The following TACC2 variants were observed in gnomAD, a reference collection of about 807,000 sequenced individuals.
TACC2 encodes the protein transforming acidic coiled-coil-containing protein 2.
A neutral mutation model predicts 227.3 loss-of-function variants in TACC2; 137 were observed. The observed-to-expected ratio is 0.60, with a 90% CI of 0.52 to 0.69. The LOEUF is 0.69. Among genes scored for constraint, TACC2 ranks in the 30% least tolerant of loss-of-function variants. The pLI is 0.00. For missense variants in TACC2, 3,470 were observed against 3,694.4 expected, an observed-to-expected ratio of 0.94 and a Z score of 1.57; for synonymous variants, 1,523 against 1,487.5, an observed-to-expected ratio of 1.02 and a Z score of -0.55.
chr10:122,076,504 G>A (rs532161817), intron 3 of TACC2, among the ~76,000 whole-genome samples: 13 of 152,322 alleles, frequency 8.5e-5, no homozygotes, highest in Non-Finnish European at 1.9e-4. Context: ...AATGCAACGA[G>A]TAGCAGTGAT....
At chr10:122,142,695 G>T (rs764988383) in intron 6 of TACC2, among the ~76,000 whole-genome samples, 7 of 152,328 alleles carry the variant, frequency 4.6e-5, no homozygotes, top group Non-Finnish European at 8.8e-5. Context: ...ACCACCTCAG[G>T]CTGGGTTTCA....
At chr10:122,155,911 C>T (rs1221619441) in intron 7 of TACC2, among the ~76,000 whole-genome samples, 2 of 142,952 alleles carry the variant, frequency 1.4e-5, no homozygotes, top group African/African-American at 5.2e-5. Context: ...AATCTTGGCT[C>T]ACTGCAATCT....
At chr10:122,156,914 C>A (rs999070588) in intron 7 of TACC2, among the ~76,000 whole-genome samples, 1 of 151,940 alleles carries the variant, frequency 6.6e-6, no homozygotes, top group East Asian at 1.9e-4. Flanking sequence ...AGTTCGAGAC[C>A]AGCTTAGGCA....
chr10:122,082,773 A>G lies in TACC2; in HGVS notation c.273A>G (p.Glu91=), dbSNP rs773759070. Residue 91 remains glutamate, a synonymous_variant, in exon 4 of 23, where the codon GAA becomes GAG. Transcript: ENST00000369005. ...ACCCACAGGGAGCCAGGGGGCCAGA[A>G]GGTTCTTTGCTGCCCAGCCCACCAC... ...RKDPQGARGP[E]GSLLPSPPPS... The G allele has an allele frequency of 4.8e-5, 77 of 1,613,826 alleles. 1 individual carries two copies. Among genetic ancestry groups the G allele is most frequent in the South Asian group, 3.6e-4 (33 of 91,072 alleles).
In TACC2 at chr10:122,083,667, C is replaced by T. The variant is rs2079787896; in HGVS notation, c.1167C>T (p.Val389=). ...GMRGTKPNQV[V]CVAAGGQPEG... ...GAGGAACCAAGCCCAATCAAGTTGT[C>T]TGTGTGGCAGCAGGCGGCCAGCCCG... The change falls in exon 4 of 23, where the codon GTC becomes GTT. Residue 389 remains valine, a synonymous_variant. Coordinates refer to ENST00000369005, the MANE Select transcript of TACC2 (RefSeq NM_206862.4). 3 of 1,611,724 alleles carry T rather than the reference C, an allele frequency of 1.9e-6. No homozygotes were observed. Among genetic ancestry groups the T allele is most frequent in the Admixed American group, 1.7e-5 (1 of 60,000 alleles).
chr10:122,003,988 C>G (rs1478825404), intron 1 of TACC2, among the ~76,000 whole-genome samples: 1 of 151,926 alleles, frequency 6.6e-6, no homozygotes, highest in Non-Finnish European at 1.5e-5. Context: ...ATGAAAAGGG[C>G]TAGGAGCGGT....
chr10:122,098,220 T>G (rs1346029829), intron 5 of TACC2, among the ~76,000 whole-genome samples: 1 of 152,136 alleles, frequency 6.6e-6, no homozygotes, highest in East Asian at 1.9e-4. Context: ...CTAGAAATGT[T>G]TGCATGGATA....
At chr10:122,021,238 A>AAAAG (rs1455785693) in intron 1 of TACC2, among the ~76,000 whole-genome samples, 1 of 143,992 alleles carries the variant, frequency 6.9e-6, no homozygotes, top group Non-Finnish European at 1.5e-5. Flanking sequence ...CGAAAAAAAA[A>AAAAG]AGGCGGGGGG....
rs1467925153 is a variant in TACC2, at chr10:122,227,977, G to A, written c.7865G>A (p.Gly2622Asp). ...TCCCAGAAGGAGCTGGAGGCCATGG[G>A]CTTGGGCACCCCTTCAGAAGCGATT... is the stretch of plus-strand genomic sequence containing the variant. ...KSSQKELEAM[G>D]LGTPSEAIEI... The change falls in exon 14 of 23, where the codon GGC becomes GAC. Residue 2622 changes from glycine (G) to aspartate (D), a missense_variant. By Grantham distance (94) the Gly-to-Asp change is moderately conservative. This residue lies in a region of TACC2 where 345 missense variants were observed against 354.4 expected (regional missense o/e 0.97). Coordinates refer to ENST00000369005, the MANE Select transcript of TACC2 (RefSeq NM_206862.4). 1 of 1,613,986 alleles carries A rather than the reference G, an allele frequency of 6.2e-7. No homozygotes were observed. Among genetic ancestry groups the A allele is most frequent in the South Asian group, 1.1e-5 (1 of 91,064 alleles).
At chr10:122,062,831 A>G (rs570974364) in intron 3 of TACC2, among the ~76,000 whole-genome samples, 1 of 152,162 alleles carries the variant, frequency 6.6e-6, no homozygotes, top group African/African-American at 2.4e-5. Context: ...TTTCACTGTC[A>G]TTTGTGGAAT....
intron 6 of TACC2, among the ~76,000 whole-genome samples, chr10:122,135,925 A>G (rs2089530689): frequency 1.3e-5 from 2 of 152,232 alleles, no homozygotes; most frequent in Non-Finnish European, 2.9e-5. Flanking sequence ...AGCCCTAAGC[A>G]TGATGCTGAA....
chr10:122,142,359 C>CT (rs1198733324), intron 6 of TACC2, among the ~76,000 whole-genome samples: 2 of 152,242 alleles, frequency 1.3e-5, no homozygotes, highest in East Asian at 3.8e-4. Flanking sequence ...GATGTGGCCC[C>CT]TGTCCTCGTG....
rs1436918556 is a variant in TACC2 at position 122,087,024 on chromosome 10, C to T, written c.4524C>T (p.Asn1508=). 2.5e-6 allele frequency: 4 copies of T among 1,613,910 alleles called. No homozygotes were observed. The Admixed American group carries it at 5.0e-5, about 20-fold the overall frequency. The change falls in exon 4 of 23, where the codon AAC becomes AAT. Residue 1508 remains asparagine (N), a synonymous_variant. Transcript: ENST00000369005. The part of the protein sequence containing the change: ...LGPAGLTWER[N]LPGAGVGKEM... ...CAGCAGGGCTGACCTGGGAGCGGAA[C>T]TTGCCAGGTGCCGGTGTGGGGAAGG... is the stretch of plus-strand genomic sequence containing the variant.
chr10:122,075,733 A>G (rs56955566), intron 3 of TACC2, among the ~76,000 whole-genome samples: 9,547 of 152,028 alleles, frequency 0.063, 540 homozygotes, highest in East Asian at 0.28. Context: ...AGTCTTACTT[A>G]GTCTGTGTTC....
intron 1 of TACC2, among the ~76,000 whole-genome samples, chr10:121,993,986 T>C (rs1953157660): frequency 6.6e-6 from 1 of 152,174 alleles, no homozygotes. Context: ...CACTGTTCTG[T>C]ATCTTAATAT....
chr10:122,132,567 G>A (rs767605354), intron 5 of TACC2, 42 bp from the exon 6 acceptor site: 2 of 1,611,596 alleles, frequency 1.2e-6, no homozygotes, highest in African/African-American at 2.7e-5. Context: ...AAACTTGTAG[G>A]AATGTTTCTG....
chr10:122,148,980 G>A (rs1399833534), intron 7 of TACC2, among the ~76,000 whole-genome samples: 1 of 152,242 alleles, frequency 6.6e-6, no homozygotes, highest in African/African-American at 2.4e-5. Context: ...CTCCATCGTA[G>A]CCCTCCTGAG....
chr10:122,187,075 C>G (rs1436236305), intron 7 of TACC2, among the ~76,000 whole-genome samples: 1 of 152,176 alleles, frequency 6.6e-6, no homozygotes, highest in Non-Finnish European at 1.5e-5. Context: ...GGCCCTCAGC[C>G]ACTAGAAAGT....
intron 2 of TACC2, among the ~76,000 whole-genome samples, chr10:122,039,930 A>G (rs2074040926): frequency 6.6e-6 from 1 of 152,102 alleles, no homozygotes; most frequent in Non-Finnish European, 1.5e-5. Flanking sequence ...AACCTCTTCT[A>G]TCTGCTAATT....
Sources: gnomAD v4.1 joint callset for allele counts (sites outside exome capture counted in the v4.1 genomes callset) on GRCh38, gnomAD v4.1.1 for gene constraint, gnomAD v4.1.1 regional missense constraint, MANE v1.5 for transcripts, NCBI Gene and HGNC (gene_info 2026-07-23, HGNC 2026-07-21) for gene names.